SGCD: variants seen among roughly 807,000 people sequenced by gnomAD.
The protein encoded by SGCD is sarcoglycan delta.
Under a neutral mutation model 36.6 loss-of-function variants are expected in SGCD, and 18 were observed. The ratio of observed to expected loss-of-function variants is 0.49; its 90% CI spans 0.34 to 0.73. SGCD has a LOEUF of 0.73. Ranked by LOEUF, SGCD falls within the 30% of genes least tolerant of loss-of-function variation. The pLI, the probability that SGCD is intolerant of heterozygous loss-of-function variation, is 0.01. For synonymous variants in SGCD, 133 were observed against 130.6 expected, an observed-to-expected ratio of 1.02 and a Z score of -0.12; for missense variants, 387 against 346.7, an observed-to-expected ratio of 1.12 and a Z score of -0.92.
chr5:155,766,299 TAAA>T, the SGCD span, among the ~76,000 whole-genome samples: 44 of 152,244 alleles, frequency 2.9e-4, no homozygotes, highest in Middle Eastern at 6.8e-3. Context: ...AGCGGCTACC[TAAA>T]GAAGAAGGGA....
At chr5:156,006,594 G>GA (rs1758764541) in intron 1 of SGCD, among the ~76,000 whole-genome samples, 2 of 151,944 alleles carry the variant, frequency 1.3e-5, no homozygotes, top group South Asian at 2.1e-4. Flanking sequence ...CATGAGAAAG[G>GA]AAAAAATCCT....
intron 8 of SGCD, chr5:156,757,968 A>G (rs1403437170): frequency 1.6e-6 from 2 of 1,249,216 alleles, no homozygotes; most frequent in Admixed American, 4.0e-5. Flanking sequence ...AATGAATGCT[A>G]TTTTCAAATT....
chr5:156,624,494 T>G, intron 6 of SGCD, among the ~76,000 whole-genome samples: 1 of 152,066 alleles, frequency 6.6e-6, no homozygotes, highest in East Asian at 1.9e-4. Flanking sequence ...AGCAGGAGAA[T>G]GGTGCGAACC....
At chr5:155,888,590 G>A (rs1183889482) in intron 1 of SGCD, among the ~76,000 whole-genome samples, 3 of 152,086 alleles carry the variant, frequency 2.0e-5, no homozygotes, top group African/African-American at 7.2e-5. Flanking sequence ...AAGTATGATT[G>A]GTAAAAAAGT....
the SGCD span, among the ~76,000 whole-genome samples, chr5:155,854,415 T>C: frequency 6.6e-6 from 1 of 152,216 alleles, no homozygotes; most frequent in Non-Finnish European, 1.5e-5. Flanking sequence ...TTCTATGACA[T>C]AGGTAGTCAA....
chr5:155,991,571 A>G (rs1758432787), intron 1 of SGCD, among the ~76,000 whole-genome samples: 2 of 152,226 alleles, frequency 1.3e-5, no homozygotes, highest in Admixed American at 6.5e-5. Flanking sequence ...AAAGATTACA[A>G]GTTATGCTAA....
At chr5:156,330,786 G>C (rs1768033812) in intron 2 of SGCD, among the ~76,000 whole-genome samples, 1 of 152,178 alleles carries the variant, frequency 6.6e-6, no homozygotes, top group African/African-American at 2.4e-5. Context: ...ATGGAAGGTG[G>C]TATCATCTTG....
At chr5:156,088,760 C>T (rs1321723165) in intron 1 of SGCD, among the ~76,000 whole-genome samples, 2 of 152,176 alleles carry the variant, frequency 1.3e-5, no homozygotes, top group East Asian at 3.8e-4. Flanking sequence ...ATTCATTCTA[C>T]AGGAAATTAA....
intron 3 of SGCD, among the ~76,000 whole-genome samples, chr5:156,364,093 A>G (rs1769955124): frequency 6.6e-6 from 1 of 152,188 alleles, no homozygotes; most frequent in African/African-American, 2.4e-5. Flanking sequence ...GTCATTGCAA[A>G]TGAAAGAGGA....
At chr5:156,653,040 A>T (rs1561839329) in intron 7 of SGCD, among the ~76,000 whole-genome samples, 2 of 152,098 alleles carry the variant, frequency 1.3e-5, no homozygotes, top group Non-Finnish European at 2.9e-5. Flanking sequence ...CATCAGGGAT[A>T]TTAACCTGCA....
intron 4 of SGCD, among the ~76,000 whole-genome samples, chr5:156,543,704 C>T (rs185322516): frequency 1.1e-4 from 17 of 152,268 alleles, no homozygotes; most frequent in African/African-American, 2.9e-4. Flanking sequence ...CTTATGATGA[C>T]GATATCTTCA....
At chr5:156,181,799 T>G (rs78076411) in intron 3 of SGCD, among the ~76,000 whole-genome samples, 2,186 of 152,318 alleles carry the variant, frequency 0.014, 25 homozygotes, top group Non-Finnish European at 0.024. Flanking sequence ...GAAGCCAGAC[T>G]CAAGTTTAGT....
At chr5:155,935,307 A>G (rs1383764792) in intron 1 of SGCD, among the ~76,000 whole-genome samples, 1 of 152,068 alleles carries the variant, frequency 6.6e-6, no homozygotes, top group African/African-American at 2.4e-5. Context: ...TACTGAATTC[A>G]TTTATTCAAA....
At chr5:156,563,247 G>T (rs1013567591) in intron 4 of SGCD, among the ~76,000 whole-genome samples, 4 of 152,178 alleles carry the variant, frequency 2.6e-5, no homozygotes, top group African/African-American at 9.7e-5. Flanking sequence ...CTCCCAAAGT[G>T]CTGGGATTAC....
intron 3 of SGCD, among the ~76,000 whole-genome samples, chr5:156,155,709 C>T (rs7715033): frequency 0.031 from 4,623 of 151,244 alleles, 412 homozygotes; most frequent in African/African-American, 0.1. Flanking sequence ...TGTCAGTGGG[C>T]AGCTGATAGA....
At chr5:156,747,119 C>T (rs1190340133) in intron 7 of SGCD, among the ~76,000 whole-genome samples, 1 of 152,000 alleles carries the variant, frequency 6.6e-6, no homozygotes, top group Non-Finnish European at 1.5e-5. Context: ...TGCCTAACAA[C>T]ATTAGTCATC....
At chr5:156,356,208 G>C (rs372695583) in intron 3 of SGCD, among the ~76,000 whole-genome samples, 1 of 152,316 alleles carries the variant, frequency 6.6e-6, no homozygotes, top group Non-Finnish European at 1.5e-5. Flanking sequence ...TGATTCTGCA[G>C]ATTGGGCAGA....
intron 1 of SGCD, among the ~76,000 whole-genome samples, chr5:155,963,367 C>T (rs1757829274): frequency 6.6e-6 from 1 of 152,060 alleles, no homozygotes; most frequent in African/African-American, 2.4e-5. Context: ...TGATATCTCC[C>T]CATGTCACTT....
At chr5:156,335,084 G>T (rs1373396702) in intron 2 of SGCD, among the ~76,000 whole-genome samples, 1 of 152,000 alleles carries the variant, frequency 6.6e-6, no homozygotes, top group Non-Finnish European at 1.5e-5. Context: ...TAATTATATC[G>T]ATCTCCCATA....
Sources: allele counts gnomAD v4.1 joint callset (sites outside exome capture counted in the v4.1 genomes callset), GRCh38; gene constraint gnomAD v4.1.1; transcripts MANE v1.5; gene names NCBI Gene and HGNC (gene_info 2026-07-23, HGNC 2026-07-21).